The following CMTM4 variants were observed in gnomAD, a reference collection of about 807,000 sequenced individuals.
CMTM4 encodes the protein CKLF-like MARVEL transmembrane domain-containing protein 4.
Under a neutral mutation model 19.0 loss-of-function variants are expected in CMTM4, and 8 were observed. The ratio of observed to expected loss-of-function variants is 0.42; its 90% CI spans 0.25 to 0.76. The LOEUF (loss-of-function observed/expected upper bound fraction) is 0.76, where lower values mean the gene tolerates loss of function less well. CMTM4 is among the 30% of genes least tolerant of loss of function. The probability of loss-of-function intolerance (pLI) is 0.27; values close to 1 mark genes in which losing one functional copy is unlikely to be tolerated. For missense variants in CMTM4, 228 were observed against 290.2 expected, an observed-to-expected ratio of 0.79 and a Z score of 1.56; for synonymous variants, 106 against 121.1, an observed-to-expected ratio of 0.88 and a Z score of 0.82.
intron 1 of CMTM4, among the ~76,000 whole-genome samples, chr16:66,658,868 G>A (rs544729709): frequency 2.6e-5 from 4 of 152,310 alleles, no homozygotes; most frequent in African/African-American, 9.6e-5. Flanking sequence ...AGCCACCGAT[G>A]CGGAATTTCA....
At position 66,696,637 on chromosome 16, in the gene CMTM4, G is replaced by T. The variant is rs1329665808; in HGVS notation, c.-112C>A. The T allele has an allele frequency of 6.9e-6, 4 of 577,902 alleles. No homozygotes were observed. The highest frequency in any genetic ancestry group is 7.0e-5 in the South Asian group (1 of 14,192). 35.8% of individuals were successfully genotyped at this position (577,902 alleles called of 1,614,324 possible). ...CCGCCGCCGCCGCCGCCGCCCGACT[G>T]ACTGCCCGCGGCCCGCCCGCCGCCG... On this transcript the variant is annotated 5_prime_UTR_variant, in exon 1 of 4. Coordinates refer to ENST00000394106, the MANE Select transcript of CMTM4 (RefSeq NM_181521.3). The surrounding 1 kb of genome is among the most constrained non-coding windows in gnomAD (Gnocchi z 4.3).
intron 1 of CMTM4, among the ~76,000 whole-genome samples, chr16:66,645,449 G>C (rs1017902611): frequency 1.3e-5 from 2 of 151,754 alleles, no homozygotes; most frequent in African/African-American, 4.8e-5. Flanking sequence ...ATGGTGGCGG[G>C]CACATATAAT....
Position 66,696,540 on chromosome 16 carries a change from C to G in CMTM4, c.-15G>C. 8.5e-7 allele frequency: 1 copy of G among 1,178,806 alleles called. No individual in the cohort carries two copies. The highest frequency in any genetic ancestry group is 1.0e-6 in the Non-Finnish European group (1 of 954,312). The allele number at this position is 1,178,806 out of a possible 1,614,324, so 73.0% of individuals were successfully genotyped here. The stretch of plus-strand genomic sequence containing the variant: ...CCGCTCCGCATGCTGCCGCCCGGCC[C>G]GGGCCGCCTCGCGCGGCTGGCTCCC... On this transcript the variant is annotated 5_prime_UTR_variant, in exon 1 of 4. Coordinates refer to ENST00000394106, the MANE Select transcript of CMTM4 (RefSeq NM_181521.3). The surrounding 1 kb of genome is among the most constrained non-coding windows in gnomAD (Gnocchi z 4.3).
chr16:66,602,909 C>T, the CMTM4 span, among the ~76,000 whole-genome samples: 1 of 152,236 alleles, frequency 6.6e-6, no homozygotes, highest in Non-Finnish European at 1.5e-5. Context: ...GGGCTCAAGC[C>T]ACTCCACAAG....
intron 1 of CMTM4, among the ~76,000 whole-genome samples, chr16:66,674,293 C>A (rs1372394401): frequency 6.6e-6 from 1 of 152,150 alleles, no homozygotes; most frequent in Non-Finnish European, 1.5e-5. Context: ...AAGGCTCCCT[C>A]AAAGGCCTGG....
intron 1 of CMTM4, among the ~76,000 whole-genome samples, chr16:66,659,374 C>CAA (rs1207738260): frequency 1.7e-5 from 2 of 116,440 alleles, no homozygotes; most frequent in African/African-American, 3.2e-5. Flanking sequence ...GACTCTGCCT[C>CAA]AAAAAAAAAA....
intron 1 of CMTM4, among the ~76,000 whole-genome samples, chr16:66,656,984 T>C (rs2016408288): frequency 6.6e-6 from 1 of 151,966 alleles, no homozygotes; most frequent in Non-Finnish European, 1.5e-5. Flanking sequence ...GACAACATGA[T>C]CTAGGATTTT....
intron 1 of CMTM4, among the ~76,000 whole-genome samples, chr16:66,678,486 G>C (rs2016847763): frequency 6.6e-6 from 1 of 152,172 alleles, no homozygotes; most frequent in African/African-American, 2.4e-5. Flanking sequence ...GGCCTTGTTA[G>C]AACATAACTT....
intron 1 of CMTM4, among the ~76,000 whole-genome samples, chr16:66,681,634 T>C (rs1472962090): frequency 6.6e-6 from 1 of 152,158 alleles, no homozygotes; most frequent in African/African-American, 2.4e-5. Context: ...ATCCAGGGTG[T>C]ATTTTGTATT....
chr16:66,604,752 G>A, the CMTM4 span: 5 of 1,206,864 alleles, frequency 4.1e-6, no homozygotes, highest in Non-Finnish European at 4.1e-6. Context: ...GCTTCCCTCC[G>A]GGCGCGAGAA....
chr16:66,695,305 C>A (rs927240755), intron 1 of CMTM4, among the ~76,000 whole-genome samples: 1 of 152,014 alleles, frequency 6.6e-6, no homozygotes, highest in Non-Finnish European at 1.5e-5. Context: ...CACGATCGCA[C>A]CAGTGCACTC....
chr16:66,636,635 G>T, intron 1 of CMTM4, 54 bp from the exon 2 acceptor site: 1 of 1,412,302 alleles, frequency 7.1e-7, no homozygotes, highest in Non-Finnish European at 1.0e-6. Context: ...ATACATCTGC[G>T]GACATACGTA....
Position 66,620,897 on chromosome 16 carries a change from C to G in CMTM4, c.*1161G>C. On this transcript the variant is annotated 3_prime_UTR_variant, in exon 4 of 4. Transcript: ENST00000394106. Reference sequence around the variant, plus strand: ...CATTCACCACACACAATAATCTTCACTTTATCAAGAATCAATCAGAAACCT... The same window carrying G: ...CATTCACCACACACAATAATCTTCAGTTTATCAAGAATCAATCAGAAACCT... 1.0e-6 allele frequency: 1 copy of G among 985,784 alleles called. No individual in the cohort carries two copies. Among genetic ancestry groups the G allele is most frequent in the Non-Finnish European group, 1.2e-6 (1 of 829,938 alleles). 61.1% of individuals were successfully genotyped at this position (985,784 alleles called of 1,614,324 possible). A position where few individuals can be genotyped will look rare whatever the true frequency, so the allele number is the denominator to read the frequency against.
chr16:66,662,022 T>C (rs1462388084), intron 1 of CMTM4, among the ~76,000 whole-genome samples: 3 of 152,028 alleles, frequency 2.0e-5, no homozygotes, highest in Non-Finnish European at 2.9e-5. Flanking sequence ...CCGTGATTCA[T>C]CTCTACACAA....
At chr16:66,658,642 C>A (rs929982853) in intron 1 of CMTM4, among the ~76,000 whole-genome samples, 1 of 152,088 alleles carries the variant, frequency 6.6e-6, no homozygotes, top group Non-Finnish European at 1.5e-5. Context: ...CATCTCAGAC[C>A]GGATCACTTT....
the CMTM4 span, among the ~76,000 whole-genome samples, chr16:66,608,844 G>A: frequency 0.069 from 10,439 of 152,248 alleles, 628 homozygotes; most frequent in African/African-American, 0.15. The surrounding 1 kb of genome is among the most constrained non-coding windows in gnomAD (Gnocchi z 5.1). Context: ...TTCAGCCATC[G>A]GCAACCCTGA....
intron 2 of CMTM4, among the ~76,000 whole-genome samples, chr16:66,635,544 C>A (rs2015974355): frequency 6.6e-6 from 1 of 152,160 alleles, no homozygotes; most frequent in African/African-American, 2.4e-5. Flanking sequence ...GACAGAGCCA[C>A]GTGTGGCTTC....
downstream of CMTM4, among the ~76,000 whole-genome samples, chr16:66,611,618 CAG>C (rs1434411775): frequency 6.6e-6 from 1 of 152,044 alleles, no homozygotes; most frequent in African/African-American, 2.4e-5. Context: ...TTCTGAGAGA[CAG>C]AGGCTGGCCA....
At position 66,633,974 on chromosome 16, in the gene CMTM4, C is replaced by A. The variant is rs1205521303; in HGVS notation, c.363+2431G>T. On this transcript the variant is annotated intron_variant, in intron 2 of 3. Coordinates refer to ENST00000394106, the MANE Select transcript of CMTM4 (RefSeq NM_181521.3). ...TGTTCTCAAGTGACCACATCACCAA[C>A]ACCCAACCACAGGCCCAGGCCACCA... 3.9e-5 allele frequency among the ~76,000 whole-genome samples: 6 copies of A among 152,270 alleles called. No homozygotes were observed. The East Asian group carries it at 1.2e-3, about 29-fold the overall frequency.
Sources: allele counts gnomAD v4.1 joint callset (sites outside exome capture counted in the v4.1 genomes callset), GRCh38; gene constraint gnomAD v4.1.1; non-coding constraint Gnocchi (gnomAD v3.1); transcripts MANE v1.5; gene names NCBI Gene and HGNC (gene_info 2026-07-23, HGNC 2026-07-21).